The following TIMELESS variants were observed in gnomAD, a reference collection of about 807,000 sequenced individuals.
The protein encoded by TIMELESS is protein timeless homolog.
In TIMELESS, 124 loss-of-function variants were observed where a neutral mutation model predicts 164.3. The observed-to-expected ratio is 0.75, with a 90% CI of 0.65 to 0.88. The LOEUF is 0.88. Ranked by LOEUF, TIMELESS falls within the 40% of genes least tolerant of loss-of-function variation. TIMELESS has a pLI of 0.00. For missense variants in TIMELESS, 1,422 were observed against 1,491.4 expected (o/e 0.95, Z 0.77); for synonymous variants, 564 against 563.4 (o/e 1.00, Z -0.02).
At position 56,428,671 on chromosome 12, in the gene TIMELESS, C is replaced by T. The variant is rs371272393; in HGVS notation, c.1305-19G>A. 1.5e-4 allele frequency: 241 copies of T among 1,607,142 alleles called. 1 individual carries two copies. Among genetic ancestry groups the T allele is most frequent in the African/African-American group, 1.1e-3 (84 of 74,736 alleles). ...GTGCATCCTGAGAGTTGACGGGAAA[C>T]GGTGAAATGGAGGACAGCTTAGGGC... On this transcript the variant is annotated intron_variant, in intron 11 of 28. Transcript: ENST00000553532.
chr12:56,430,414 G>T, intron 9 of TIMELESS, 133 bp from the exon 10 acceptor site: 1 of 1,038,902 alleles, frequency 9.6e-7, no homozygotes, highest in Non-Finnish European at 1.4e-6. Flanking sequence ...CACCCAGGCT[G>T]GAGTGTAATG....
chr12:56,424,956 C>G, intron 14 of TIMELESS, 43 bp from the exon 15 acceptor site: 2 of 1,613,986 alleles, frequency 1.2e-6, no homozygotes, highest in Non-Finnish European at 1.7e-6. Flanking sequence ...AGTGGAAAAC[C>G]CAGATTGTAT....
chr12:56,420,750 G>T, intron 25 of TIMELESS, 63 bp from the exon 26 acceptor site: 1 of 1,612,804 alleles, frequency 6.2e-7, no homozygotes, highest in South Asian at 1.1e-5. Context: ...TCCATCCCAT[G>T]ACCAGGTAGG....
Position 56,423,825 on chromosome 12 carries a change from C to T in TIMELESS, c.1938G>A (p.Leu646=). The T allele has an allele frequency of 6.2e-7, 1 of 1,614,178 alleles. No homozygotes were observed. The highest frequency in any genetic ancestry group is 8.5e-7 in the Non-Finnish European group (1 of 1,180,036). The part of the protein sequence containing the change: ...DISPEEEIQL[L]KQILSAPLPR... ...GAAGTGGAGCAGAGAGGATTTGTTT[C>T]AGCAACTGGATCTCTTCCTCTGGAG... is the stretch of plus-strand genomic sequence containing the variant. The change falls in exon 16 of 29, where the codon CTG becomes CTA. Residue 646 remains leucine, a synonymous_variant. Transcript: ENST00000553532.
At chr12:56,420,451 G>A (rs1388800180) in intron 26 of TIMELESS, 118 bp downstream of exon 26, 7 of 788,990 alleles carry the variant, frequency 8.9e-6, no homozygotes, top group Non-Finnish European at 1.4e-5. Flanking sequence ...AAGACAATGA[G>A]AAGGACCAAG....
At chr12:56,435,068 C>A (rs1882026588) in intron 1 of TIMELESS, among the ~76,000 whole-genome samples, 1 of 152,130 alleles carries the variant, frequency 6.6e-6, no homozygotes, top group Admixed American at 6.6e-5. Flanking sequence ...TCACCCTCCA[C>A]TTTCTGTGGC....
Position 56,423,808 on chromosome 12 carries a change from G to A in TIMELESS, c.1955C>T (p.Ala652Val), listed in dbSNP as rs1881585870. ...GGGTGGAGACTCACGGGGAAGTGGA[G>A]CAGAGAGGATTTGTTTCAGCAACTG... ...EIQLLKQILS[A>V]PLPRQQGPEE... is the part of the protein sequence containing the mutation. Residue 652 changes from alanine to valine, a missense_variant, in exon 16 of 29, where the codon GCT becomes GTT. Ala to Val is a moderately conservative substitution (Grantham distance 64, BLOSUM62 0). Coordinates refer to ENST00000553532, the MANE Select transcript of TIMELESS (RefSeq NM_003920.5). The A allele has an allele frequency of 1.2e-6, 2 of 1,614,198 alleles. No individual in the cohort carries two copies. The highest frequency in any genetic ancestry group is 1.1e-5 in the South Asian group (1 of 91,084).
chr12:56,424,843 C>G lies in TIMELESS; in HGVS notation c.1787G>C (p.Arg596Pro), dbSNP rs370688010. The G allele has an allele frequency of 1.2e-6, 2 of 1,614,210 alleles. No homozygotes were observed. The highest frequency in any genetic ancestry group is 1.7e-6 in the Non-Finnish European group (2 of 1,180,044). ...TTGGATCCGTACCATAGCTTCTGCC[C>G]GCTGCTCCTCCACTGGCACCTCTGA... ...AASEVPVEEQ[R>P]AEAMVRIQDC... is the part of the protein sequence containing the mutation. The change falls in exon 15 of 29, where the codon CGG (arginine) becomes CCG (proline). Residue 596 changes from arginine (R) to proline (P), a missense_variant. Physicochemically the swap from Arg to Pro is moderately radical, Grantham distance 103 (BLOSUM62 -2). Transcript: ENST00000553532.
intron 19 of TIMELESS, among the ~76,000 whole-genome samples, chr12:56,422,619 G>T (rs1260147034): frequency 2.0e-5 from 3 of 152,194 alleles, no homozygotes; most frequent in Non-Finnish European, 2.9e-5. Context: ...ATGGAGGCTG[G>T]TGATGGAGAA....
At chr12:56,424,672 ACT>A in intron 15 of TIMELESS, 88 bp downstream of exon 15, 1 of 1,491,108 alleles carries the variant, frequency 6.7e-7, no homozygotes, top group Non-Finnish European at 9.0e-7. Context: ...TGATGAGACA[ACT>A]CTCTTTTGAA....
Position 56,421,071 on chromosome 12 carries a change from G to T in TIMELESS, c.2932C>A (p.Pro978Thr). The part of the protein sequence containing the change: ...QEDLEEEENL[P>T]EEDSEEEEEG... ...TCTTCCTCTTCGCTGTCTTCCTCAG[G>T]CAGGTTTTCCTCTTCTTCCAGATCT... is the stretch of plus-strand genomic sequence containing the variant. The change falls in exon 24 of 29, where the codon CCT becomes ACT. Residue 978 changes from proline to threonine, a missense_variant. Coordinates refer to ENST00000553532, the MANE Select transcript of TIMELESS (RefSeq NM_003920.5). 6.2e-7 allele frequency: 1 copy of T among 1,614,106 alleles called. No homozygotes were observed. The highest frequency in any genetic ancestry group is 1.1e-5 in the South Asian group (1 of 91,074).
chr12:56,432,608 C>T (rs112375133), intron 6 of TIMELESS, 84 bp from the exon 7 acceptor site: 1 of 1,534,858 alleles, frequency 6.5e-7, no homozygotes, highest in South Asian at 1.2e-5. Flanking sequence ...ATTCTTTGAC[C>T]AAGCCTCCTC....
At chr12:56,430,025 C>G (rs1392715311) in intron 10 of TIMELESS, 80 bp downstream of exon 10, 37 of 1,450,926 alleles carry the variant, frequency 2.6e-5, no homozygotes, top group Non-Finnish European at 1.9e-6. Flanking sequence ...AGCTCCTCCC[C>G]ACTTCTTACC....
intron 1 of TIMELESS, among the ~76,000 whole-genome samples, chr12:56,436,505 A>G (rs941335031): frequency 2.0e-5 from 3 of 152,166 alleles, no homozygotes; most frequent in Non-Finnish European, 4.4e-5. Flanking sequence ...AGTAGAAAGG[A>G]ATGTTTAATA....
chr12:56,433,461 T>C lies in TIMELESS; in HGVS notation c.367-18A>G, dbSNP rs1291849116. The C allele has an allele frequency of 1.9e-6, 3 of 1,614,184 alleles. No homozygotes were observed. The highest frequency in any genetic ancestry group is 1.1e-5 in the South Asian group (1 of 91,080). ...GCAAAGGCCTGTGAAATAGGGAACC[T>C]GATCTTAAGTAGCAGTCATCCACTT... On this transcript the variant is annotated intron_variant, in intron 4 of 28. Transcript: ENST00000553532.
At position 56,430,890 on chromosome 12, in the gene TIMELESS, G is replaced by T. The variant is rs1364261166; in HGVS notation, c.900C>A (p.Gly300=). Residue 300 remains glycine (G), a synonymous_variant, in exon 9 of 29, where the codon GGC becomes GGA. Transcript: ENST00000553532. The part of the protein sequence containing the change: ...IGERDLIFHK[G]LHNLRNYSSD... ...ATGTAAGAATACTCACGTTGTGAAG[G>T]CCTTTGTGAAAGATGAGGTCCCTCT... 5 of 1,599,004 alleles carry T rather than the reference G, an allele frequency of 3.1e-6. No individual in the cohort carries two copies. In the Admixed American group the frequency reaches 6.9e-5, roughly 22 times the overall value.
chr12:56,428,975 A>C lies in TIMELESS; in HGVS notation c.1212T>G (p.Ser404Arg). Residue 404 changes from serine (S) to arginine (R), a missense_variant, in exon 11 of 29, where the codon AGT (serine) becomes AGG (arginine). Coordinates refer to ENST00000553532, the MANE Select transcript of TIMELESS (RefSeq NM_003920.5). Reference protein sequence around the residue: ...FRPGLVSETLSVRTFHFIEQN... With the variant: ...FRPGLVSETLRVRTFHFIEQN... ...GCTCAATGAAGTGGAAGGTACGGAC[A>C]CTGAGGGTCTCAGAAACCAGGCCTG... The C allele has an allele frequency of 6.2e-7, 1 of 1,614,196 alleles. No homozygotes were observed.
intron 1 of TIMELESS, among the ~76,000 whole-genome samples, chr12:56,440,238 A>G (rs1868254624): frequency 1.3e-5 from 2 of 148,632 alleles, no homozygotes; most frequent in Admixed American, 1.4e-4. Context: ...TCCTGGATTC[A>G]AGCAACTCTT....
In TIMELESS at chr12:56,421,928, TC is replaced by T. The variant is rs777438840; in HGVS notation, c.2612del (p.Gly871AspfsTer45). ...KQIIHHLVQM[G>X]LADSVKDFQR... ...GGAAGTCCTTGACACTGTCAGCCAG[TC>T]CCATCTGTACCAGATGGTGGATGAT... On this transcript the variant is annotated frameshift_variant, in exon 21 of 29. Transcript: ENST00000553532. LOFTEE classifies it high-confidence loss of function. 7.4e-6 allele frequency: 12 copies of T among 1,614,046 alleles called. No individual in the cohort carries two copies. Among genetic ancestry groups the T allele is most frequent in the Non-Finnish European group, 1.0e-5 (12 of 1,179,944 alleles).
Sources: gnomAD v4.1 joint callset for allele counts (sites outside exome capture counted in the v4.1 genomes callset) on GRCh38, gnomAD v4.1.1 for gene constraint, MANE v1.5 for transcripts, NCBI Gene and HGNC (gene_info 2026-07-23, HGNC 2026-07-21) for gene names.